IL1RAPL2: variants seen among roughly 807,000 people sequenced by gnomAD.
IL1RAPL2 encodes the protein interleukin 1 receptor accessory protein like 2.
A neutral mutation model predicts 44.1 loss-of-function variants in IL1RAPL2; 3 were observed. The ratio of observed to expected loss-of-function variants is 0.07; its 90% CI spans 0.03 to 0.18. The LOEUF is 0.18. Ranked by LOEUF, IL1RAPL2 falls within the 10% of genes least tolerant of loss-of-function variation. IL1RAPL2 has a pLI of 1.00. For missense variants in IL1RAPL2, 391 were observed against 496.4 expected, an observed-to-expected ratio of 0.79 and a Z score of 2.02; for synonymous variants, 181 against 178.8, an observed-to-expected ratio of 1.01 and a Z score of -0.10.
intron 5 of IL1RAPL2, among the ~76,000 whole-genome samples, chrX:105,464,435 A>C (rs1046671052): frequency 1.8e-5 from 2 of 111,648 alleles, no homozygotes; most frequent in African/African-American, 3.3e-5. Flanking sequence ...AACAACATAG[A>C]ATGAAACCAA....
At chrX:105,752,894 G>A in intron 9 of IL1RAPL2, 1 of 327,889 alleles carries the variant, frequency 3.0e-6, no homozygotes. Flanking sequence ...GCCACCATAA[G>A]CTCTTCACCT....
chrX:105,674,865 A>G (rs2037855978), intron 6 of IL1RAPL2, among the ~76,000 whole-genome samples: 1 of 110,929 alleles, frequency 9.0e-6, no homozygotes, highest in Non-Finnish European at 1.9e-5. Context: ...CTCCTTGAAA[A>G]GGAACTTCAT....
intron 6 of IL1RAPL2, among the ~76,000 whole-genome samples, chrX:105,566,232 G>T: frequency 9.0e-6 from 1 of 111,552 alleles, no homozygotes; most frequent in East Asian, 2.8e-4. Flanking sequence ...GAGAAAAAAA[G>T]AAAGAGAGAG....
rs1399948668 is a variant in IL1RAPL2 at position 105,249,612 on chromosome X, A to G, written c.543+15608A>G. Among the ~76,000 whole-genome samples, 5 of 111,354 alleles carry G rather than the reference A, an allele frequency of 4.5e-5. No homozygotes were observed. The South Asian group carries it at 1.5e-3, about 33-fold the overall frequency. On this transcript the variant is annotated intron_variant, in intron 4 of 10. Coordinates refer to ENST00000372582, the MANE Select transcript of IL1RAPL2 (RefSeq NM_017416.2). ...CAAAATAACTCATGTCATCATAAAT[A>G]TATAACCTACTATATACCCATGAAA...
At chrX:105,312,494 CT>C (rs1383661435) in intron 5 of IL1RAPL2, among the ~76,000 whole-genome samples, 3 of 111,467 alleles carry the variant, frequency 2.7e-5, no homozygotes, top group Non-Finnish European at 5.7e-5. Flanking sequence ...ACAACTTGCT[CT>C]TTTTTCTTTT....
chrX:105,258,602 C>T (rs771899284), intron 4 of IL1RAPL2, among the ~76,000 whole-genome samples: 2 of 112,004 alleles, frequency 1.8e-5, no homozygotes, highest in African/African-American at 6.5e-5. Flanking sequence ...TACATAATCC[C>T]ATATTTCTTG....
intron 2 of IL1RAPL2, among the ~76,000 whole-genome samples, chrX:104,954,524 CCTTT>C (rs2147712561): frequency 9.0e-6 from 1 of 111,675 alleles, no homozygotes; most frequent in South Asian, 3.7e-4. Context: ...TTTTCTTTTT[CCTTT>C]CTTTCTTTTC....
chrX:104,608,313 C>T (rs973248281), intron 1 of IL1RAPL2, among the ~76,000 whole-genome samples: 41 of 110,641 alleles, frequency 3.7e-4, no homozygotes, highest in African/African-American at 1.3e-3. Flanking sequence ...ACCACCATGG[C>T]ATGTCTATAC....
chrX:105,152,252 G>A (rs1196874081), intron 2 of IL1RAPL2, among the ~76,000 whole-genome samples: 1 of 112,104 alleles, frequency 8.9e-6, no homozygotes, highest in African/African-American at 3.2e-5. Flanking sequence ...GGTATATACT[G>A]CTGAACATGA....
chrX:105,430,285 A>G (rs2035838880), intron 5 of IL1RAPL2, among the ~76,000 whole-genome samples: 1 of 111,526 alleles, frequency 9.0e-6, no homozygotes, highest in South Asian at 3.8e-4. Flanking sequence ...GACATTGCCA[A>G]TCACCGGTAG....
chrX:104,777,823 C>T (rs1932744948), intron 2 of IL1RAPL2, among the ~76,000 whole-genome samples: 1 of 110,113 alleles, frequency 9.1e-6, no homozygotes, highest in Non-Finnish European at 1.9e-5. Context: ...CTCAAGTGAT[C>T]CGTGTACCTT....
chrX:104,588,736 T>C (rs1479443797), intron 1 of IL1RAPL2, among the ~76,000 whole-genome samples: 1 of 112,161 alleles, frequency 8.9e-6, no homozygotes, highest in African/African-American at 3.2e-5. Context: ...CAGATCTCTA[T>C]ATTTCTTAAG....
At chrX:105,058,216 G>A (rs946188558) in intron 2 of IL1RAPL2, among the ~76,000 whole-genome samples, 2 of 110,607 alleles carry the variant, frequency 1.8e-5, no homozygotes, top group African/African-American at 6.6e-5. Context: ...CTTCTAAAGC[G>A]CTGGGATTAC....
At chrX:104,788,032 G>C (rs1191458366) in intron 2 of IL1RAPL2, among the ~76,000 whole-genome samples, 2 of 111,621 alleles carry the variant, frequency 1.8e-5, no homozygotes, top group Non-Finnish European at 3.8e-5. Context: ...GAAATCAGTA[G>C]ATGGCTGTGA....
At chrX:105,089,266 A>AATGTC (rs1178780947) in intron 2 of IL1RAPL2, among the ~76,000 whole-genome samples, 3 of 111,157 alleles carry the variant, frequency 2.7e-5, no homozygotes, top group African/African-American at 9.8e-5. Flanking sequence ...AGGAAGTTTA[A>AATGTC]ATGTCCCTTA....
intron 2 of IL1RAPL2, among the ~76,000 whole-genome samples, chrX:105,090,289 C>T (rs1033334666): frequency 9.0e-6 from 1 of 111,640 alleles, no homozygotes; most frequent in African/African-American, 3.3e-5. Context: ...CTCTGTAGAA[C>T]CCACATATAT....
intron 5 of IL1RAPL2, among the ~76,000 whole-genome samples, chrX:105,401,020 G>A (rs1278216871): frequency 9.0e-6 from 1 of 111,420 alleles, no homozygotes; most frequent in Non-Finnish European, 1.9e-5. Flanking sequence ...GTCCTCCAGA[G>A]GGGAGGAACA....
intron 5 of IL1RAPL2, among the ~76,000 whole-genome samples, chrX:105,411,958 T>G (rs953189889): frequency 2.7e-5 from 3 of 111,897 alleles, no homozygotes; most frequent in African/African-American, 9.7e-5. Flanking sequence ...CAAGTATCTC[T>G]TCTTATCAAA....
intron 5 of IL1RAPL2, among the ~76,000 whole-genome samples, chrX:105,301,703 T>G (rs981927224): frequency 1.7e-4 from 19 of 112,315 alleles, no homozygotes; most frequent in African/African-American, 5.8e-4. Context: ...TGACTAGATC[T>G]CATTCTTTTT....
Sources: gnomAD v4.1 joint callset for allele counts (sites outside exome capture counted in the v4.1 genomes callset) on GRCh38, gnomAD v4.1.1 for gene constraint, MANE v1.5 for transcripts, NCBI Gene and HGNC (gene_info 2026-07-23, HGNC 2026-07-21) for gene names.